MROH1: variants seen among roughly 807,000 people sequenced by gnomAD.
MROH1 encodes the protein maestro heat like repeat family member 1.
A neutral mutation model predicts 116.5 loss-of-function variants in MROH1; 117 were observed. The ratio of observed to expected loss-of-function variants is 1.00; its 90% CI spans 0.86 to 1.17. The LOEUF (loss-of-function observed/expected upper bound fraction) is 1.17, where lower values mean the gene tolerates loss of function less well. Among genes scored for constraint, MROH1 ranks in the 50% most tolerant of loss-of-function variants. MROH1 has a pLI of 0.00. For synonymous variants in MROH1, 921 were observed against 583.9 expected (o/e 1.58, Z -8.32); for missense variants, 1,873 against 1,338.5 (o/e 1.40, Z -6.23).
In MROH1 at chr8:144,186,102, C is replaced by T. The variant is rs1025622787; in HGVS notation, c.563-4682C>T. ...GCTGTGTCACCCCGGGGAAATGAAG[C>T]AAAAAGGACAGTTTCCAATTTTTTT... On this transcript the variant is annotated intron_variant, in intron 7 of 43. Coordinates refer to ENST00000326134, the MANE Select transcript of MROH1 (RefSeq NM_032450.3). Among the ~76,000 whole-genome samples, 4 of 146,340 alleles carry T rather than the reference C, an allele frequency of 2.7e-5. No homozygotes were observed. In the Admixed American group the frequency reaches 2.8e-4, roughly 10 times the overall value.
intron 37 of MROH1, 92 bp from the exon 38 acceptor site, chr8:144,259,819 G>A (rs1373628312): frequency 2.1e-5 from 15 of 706,812 alleles, no homozygotes; most frequent in African/African-American, 1.4e-4. Context: ...CCACACCGGC[G>A]TGGGGACAGC....
intron 1 of MROH1, among the ~76,000 whole-genome samples, chr8:144,151,453 G>A (rs1816770867): frequency 6.6e-6 from 1 of 152,096 alleles, no homozygotes; most frequent in Non-Finnish European, 1.5e-5. Context: ...TTTGGCCAGG[G>A]CAGTCGGAGG....
In MROH1 at chr8:144,170,647, A is replaced by C. The variant is rs1224774550; in HGVS notation, c.168+2207A>C. On this transcript the variant is annotated intron_variant, in intron 4 of 43. Coordinates refer to ENST00000326134, the MANE Select transcript of MROH1 (RefSeq NM_032450.3). ...AATGCCACATCCCCCTCCAGGCCTC[A>C]GATGTCAGCACAGTGTCCTGGGGTA... 2.0e-5 allele frequency among the ~76,000 whole-genome samples: 3 copies of C among 152,256 alleles called. No individual in the cohort carries two copies. The East Asian group carries it at 5.8e-4, about 29-fold the overall frequency.
chr8:144,194,326 G>A (rs774393918), intron 10 of MROH1, among the ~76,000 whole-genome samples: 21 of 152,180 alleles, frequency 1.4e-4, no homozygotes, highest in Non-Finnish European at 1.9e-4. Flanking sequence ...GCCTCCCAAA[G>A]TATTGGGATT....
Position 144,261,403 on chromosome 8 carries a change from C to T in MROH1, c.4840+54C>T, listed in dbSNP as rs1192926878. ...CTGGGCCCTGCTGACCCTGTAGGCACCCGCAGGGACTAAGTGATTTTCCTG... is the reference window on the plus strand; with the variant it reads ...CTGGGCCCTGCTGACCCTGTAGGCATCCGCAGGGACTAAGTGATTTTCCTG... On this transcript the variant is annotated intron_variant, in intron 43 of 43. Coordinates refer to ENST00000326134, the MANE Select transcript of MROH1 (RefSeq NM_032450.3). 1.0e-5 allele frequency: 7 copies of T among 700,330 alleles called. No homozygotes were observed. The African/African-American group carries it at 1.0e-4, about 10-fold the overall frequency. 43.4% of individuals were successfully genotyped at this position (700,330 alleles called of 1,614,324 possible).
At chr8:144,228,607 C>G (rs1021214803) in intron 14 of MROH1, among the ~76,000 whole-genome samples, 1 of 152,096 alleles carries the variant, frequency 6.6e-6, no homozygotes, top group African/African-American at 2.4e-5. Flanking sequence ...GGGATTACAG[C>G]CACACGCCAC....
intron 35 of MROH1, among the ~76,000 whole-genome samples, chr8:144,256,691 C>T (rs1445337745): frequency 6.6e-6 from 1 of 152,358 alleles, no homozygotes; most frequent in Non-Finnish European, 1.5e-5. Flanking sequence ...ATTGCAGAGC[C>T]TGGTGTACAG....
intron 31 of MROH1, among the ~76,000 whole-genome samples, chr8:144,248,661 G>A (rs981841390): frequency 4.6e-5 from 7 of 152,182 alleles, no homozygotes; most frequent in African/African-American, 7.2e-5. Flanking sequence ...CCAGGAGCCC[G>A]CCCAGGTTCC....
At chr8:144,254,592 TTC>T (rs1250753249) in intron 33 of MROH1, 4 of 564,648 alleles carry the variant, frequency 7.1e-6, no homozygotes, top group South Asian at 2.1e-5. Context: ...GCCCAGATTT[TTC>T]TCTGTGTCCT....
intron 4 of MROH1, among the ~76,000 whole-genome samples, chr8:144,176,277 G>T (rs1019200410): frequency 2.0e-5 from 3 of 151,416 alleles, no homozygotes; most frequent in Non-Finnish European, 4.4e-5. Flanking sequence ...GGAGGCTGAG[G>T]CATGATCATC....
intron 1 of MROH1, among the ~76,000 whole-genome samples, chr8:144,148,366 G>A (rs1815921369): frequency 6.6e-6 from 1 of 152,136 alleles, no homozygotes; most frequent in Non-Finnish European, 1.5e-5. Flanking sequence ...CCTCTTCGGG[G>A]AGCTTGGTGG....
intron 35 of MROH1, among the ~76,000 whole-genome samples, chr8:144,257,258 C>T (rs1355729005): frequency 6.6e-6 from 1 of 152,200 alleles, no homozygotes; most frequent in African/African-American, 2.4e-5. Flanking sequence ...CCTTCTCGTA[C>T]GTCCGACCTT....
chr8:144,202,290 G>A (rs1564463652), intron 12 of MROH1, among the ~76,000 whole-genome samples: 1 of 151,842 alleles, frequency 6.6e-6, no homozygotes, highest in African/African-American at 2.4e-5. Flanking sequence ...CCCGCTCTCT[G>A]TGGAGGGGTT....
At chr8:144,240,957 G>T (rs1208201392) in intron 20 of MROH1, 35 bp from the exon 21 acceptor site, 16 of 723,114 alleles carry the variant, frequency 2.2e-5, no homozygotes, top group African/African-American at 1.9e-4. Context: ...GTACTCAGGA[G>T]TCAGGCAGAG....
chr8:144,232,827 T>C (rs1216079265), intron 14 of MROH1, among the ~76,000 whole-genome samples: 1 of 137,792 alleles, frequency 7.3e-6, no homozygotes, highest in African/African-American at 2.5e-5. Context: ...TATTTATTTA[T>C]TTATTTATTT....
In MROH1 at chr8:144,179,536, A is replaced by G. The variant is rs1587934561; in HGVS notation, c.250A>G (p.Thr84Ala). The change falls in exon 5 of 44, where the codon ACA becomes GCA. Residue 84 changes from threonine to alanine, a missense_variant. Thr to Ala is a moderately conservative substitution (Grantham distance 58, BLOSUM62 0). Transcript: ENST00000326134. The stretch of plus-strand genomic sequence containing the variant: ...TCGCGCCAGTGAGCTGGACAAGGAC[A>G]CAGCCAGCACCATCATCCTCCTGGC... ...SSRASELDKD[T>A]ASTIILLASS... The G allele has an allele frequency of 1.2e-6, 2 of 1,613,322 alleles. No homozygotes were observed. The highest frequency in any genetic ancestry group is 1.7e-6 in the Non-Finnish European group (2 of 1,179,786).
chr8:144,253,218 G>C (rs1843139412), intron 33 of MROH1, among the ~76,000 whole-genome samples: 2 of 152,092 alleles, frequency 1.3e-5, no homozygotes, highest in Admixed American at 1.3e-4. Context: ...CTAAGGATGG[G>C]TTCTACATTC....
intron 1 of MROH1, among the ~76,000 whole-genome samples, chr8:144,150,509 T>C (rs1487059235): frequency 6.6e-6 from 1 of 152,242 alleles, no homozygotes; most frequent in African/African-American, 2.4e-5. Context: ...CTTCAGGTTC[T>C]GCTACTGGCA....
chr8:144,225,768 C>T (rs1837670305), intron 14 of MROH1, among the ~76,000 whole-genome samples: 1 of 151,866 alleles, frequency 6.6e-6, no homozygotes, highest in Non-Finnish European at 1.5e-5. Context: ...CCATGTTGGC[C>T]AGGCTGGTCT....
Sources: gnomAD v4.1 joint callset for allele counts (sites outside exome capture counted in the v4.1 genomes callset) on GRCh38, gnomAD v4.1.1 for gene constraint, MANE v1.5 for transcripts, NCBI Gene and HGNC (gene_info 2026-07-23, HGNC 2026-07-21) for gene names.